Variants in SNAP91 observed in about 807,000 individuals in gnomAD.
The protein encoded by SNAP91 is synaptosome associated protein 91.
A neutral mutation model predicts 100.3 loss-of-function variants in SNAP91; 27 were observed. The observed-to-expected ratio is 0.27, with a 90% confidence interval of 0.20 to 0.37. SNAP91 has a LOEUF of 0.37. Among genes scored for constraint, SNAP91 ranks in the 10% least tolerant of loss-of-function variants. SNAP91 has a pLI of 1.00. For missense variants in SNAP91, 986 were observed against 1,123.7 expected (o/e 0.88, Z 1.75); for synonymous variants, 404 against 398.6 (o/e 1.01, Z -0.16).
chr6:83,651,047 C>T lies in SNAP91; in HGVS notation c.658+5707G>A, dbSNP rs150285607. On this transcript the variant is annotated intron_variant, in intron 7 of 29. Transcript: ENST00000369694. ...TTTGATTATCAAATTTGTGGGCATA[C>T]AGCTGTTCATAATATTCTCTTATCT... Among the ~76,000 whole-genome samples the T allele has an allele frequency of 2.0e-3, 309 of 152,266 alleles. 3 individuals are homozygous for T. The highest frequency in any genetic ancestry group is 0.016 in the South Asian group (78 of 4,818).
intron 2 of SNAP91, among the ~76,000 whole-genome samples, chr6:83,680,380 T>C (rs1393791285): frequency 6.6e-6 from 1 of 152,132 alleles, no homozygotes; most frequent in East Asian, 1.9e-4. Context: ...ATTCAAGCAG[T>C]AGAAAAAATT....
chr6:83,568,782 C>T (rs79691997), intron 26 of SNAP91, among the ~76,000 whole-genome samples: 4,202 of 152,144 alleles, frequency 0.028, 177 homozygotes, highest in African/African-American at 0.094. Context: ...AAAAGGATTC[C>T]CCTTCCCAAA....
intron 2 of SNAP91, among the ~76,000 whole-genome samples, chr6:83,682,939 C>A (rs2099012131): frequency 6.6e-6 from 1 of 152,020 alleles, no homozygotes; most frequent in Non-Finnish European, 1.5e-5. Context: ...CTTGGGACAT[C>A]ATTATAACCA....
chr6:83,581,552 A>G (rs550995376), intron 23 of SNAP91, among the ~76,000 whole-genome samples: 22 of 152,374 alleles, frequency 1.4e-4, no homozygotes, highest in Middle Eastern at 3.4e-3. Flanking sequence ...CATATCTACC[A>G]TAACAACTAC....
At chr6:83,625,248 C>T (rs1311265400) in intron 8 of SNAP91, among the ~76,000 whole-genome samples, 1 of 152,118 alleles carries the variant, frequency 6.6e-6, no homozygotes, top group Non-Finnish European at 1.5e-5. Flanking sequence ...GCATAGTATT[C>T]CATGGTGCAT....
chr6:83,638,233 G>A (rs1234730350), intron 8 of SNAP91, among the ~76,000 whole-genome samples: 1 of 152,036 alleles, frequency 6.6e-6, no homozygotes, highest in East Asian at 1.9e-4. Context: ...GAAGGCAACT[G>A]TGTTGCCTCT....
intron 2 of SNAP91, among the ~76,000 whole-genome samples, chr6:83,682,310 A>G (rs546538367): frequency 6.6e-6 from 1 of 151,122 alleles, no homozygotes; most frequent in South Asian, 2.1e-4. Flanking sequence ...CCAACTGAGT[A>G]GCTGGGACCA....
chr6:83,577,253 G>A (rs1820408628), intron 24 of SNAP91, among the ~76,000 whole-genome samples: 1 of 152,100 alleles, frequency 6.6e-6, no homozygotes, highest in South Asian at 2.1e-4. Flanking sequence ...AGAGGATGAA[G>A]TTAATATTTA....
chr6:83,693,193 C>T (rs954311855), intron 2 of SNAP91, among the ~76,000 whole-genome samples: 3 of 152,214 alleles, frequency 2.0e-5, no homozygotes, highest in Non-Finnish European at 4.4e-5. Context: ...GACTCCTCCC[C>T]TCATTAGGCG....
At chr6:83,600,559 C>A (rs1007031329) in intron 16 of SNAP91, among the ~76,000 whole-genome samples, 6 of 152,192 alleles carry the variant, frequency 3.9e-5, no homozygotes, top group African/African-American at 1.4e-4. Flanking sequence ...AATAAACTGG[C>A]TTCACATGGC....
intron 22 of SNAP91, among the ~76,000 whole-genome samples, chr6:83,584,630 A>G (rs1175906460): frequency 6.6e-6 from 1 of 152,210 alleles, no homozygotes; most frequent in Non-Finnish European, 1.5e-5. Flanking sequence ...GAACGACACG[A>G]ATGGCTGATA....
chr6:83,671,327 A>C (rs2098782569), intron 2 of SNAP91, among the ~76,000 whole-genome samples: 1 of 152,136 alleles, frequency 6.6e-6, no homozygotes, highest in Non-Finnish European at 1.5e-5. Flanking sequence ...AGAAATATAA[A>C]TGATTTCTGT....
chr6:83,696,049 T>C (rs1291369550), intron 2 of SNAP91, among the ~76,000 whole-genome samples: 5 of 152,072 alleles, frequency 3.3e-5, no homozygotes, highest in Non-Finnish European at 5.9e-5. Flanking sequence ...GAAACTTCCA[T>C]GGGTACAGTC....
Position 83,560,168 on chromosome 6 carries a change from G to A in SNAP91, c.2567C>T (p.Pro856Leu), listed in dbSNP as rs781354659. 1.4e-5 allele frequency: 22 copies of A among 1,613,782 alleles called. No homozygotes were observed. The highest frequency in any genetic ancestry group is 3.3e-4 in the Middle Eastern group (2 of 6,032). ...CATCATGGGCTGTGCAAACATGACC[G>A]GCTGCTGAGGCATCATGGGCATGCC... ...GTGMPMMPQQ[P>L]VMFAQPMMRP... is the part of the protein sequence containing the mutation. Residue 856 changes from proline (P) to leucine (L), a missense_variant, in exon 28 of 30, where the codon CCG (proline) becomes CTG (leucine). Coordinates refer to ENST00000369694, the MANE Select transcript of SNAP91 (RefSeq NM_001242792.2).
intron 12 of SNAP91, among the ~76,000 whole-genome samples, chr6:83,609,219 A>G (rs1436556585): frequency 3.3e-5 from 5 of 152,210 alleles, no homozygotes; most frequent in Non-Finnish European, 7.3e-5. Context: ...CTGTTATTAC[A>G]AAAAGAAAAA....
intron 14 of SNAP91, among the ~76,000 whole-genome samples, chr6:83,603,587 GA>G (rs2095423146): frequency 6.7e-6 from 1 of 148,672 alleles, no homozygotes; most frequent in Non-Finnish European, 1.5e-5. Context: ...GCTAAAATTT[GA>G]AAATAAAATA....
rs1457507426 is a variant in SNAP91, at chr6:83,665,557, G to A, written c.155C>T (p.Thr52Ile). Residue 52 changes from threonine (T) to isoleucine (I), a missense_variant, in exon 3 of 30, where the codon ACC becomes ATC. Around this residue, in one of 4 missense-constraint regions of SNAP91, gnomAD observed 330 missense variants for 447.5 expected, o/e 0.74. Transcript: ENST00000369694. Reference protein sequence around the residue: ...LDYLIQATNETNVNIPQMADT... With the variant: ...LDYLIQATNEINVNIPQMADT... ...GGCCATCTGAGGAATATTAACATTG[G>A]TCTCGTTGGTAGCCTGGATCAAATC... The A allele has an allele frequency of 1.3e-5, 21 of 1,612,024 alleles. No homozygotes were observed. The highest frequency in any genetic ancestry group is 1.6e-5 in the Non-Finnish European group (19 of 1,178,988).
intron 2 of SNAP91, among the ~76,000 whole-genome samples, chr6:83,668,040 C>G (rs1382225101): frequency 3.3e-5 from 5 of 152,262 alleles, no homozygotes; most frequent in Admixed American, 1.3e-4. Context: ...AGACACTTCT[C>G]AAAAGAAGAC....
chr6:83,554,996 T>C (rs999410884), intron 29 of SNAP91, among the ~76,000 whole-genome samples: 3 of 152,188 alleles, frequency 2.0e-5, no homozygotes, highest in Non-Finnish European at 2.9e-5. Flanking sequence ...TTTCCTGTAC[T>C]TATCAAAGTT....
Sources: allele counts gnomAD v4.1 joint callset (sites outside exome capture counted in the v4.1 genomes callset), GRCh38; gene constraint gnomAD v4.1.1; regional missense constraint gnomAD v4.1.1; transcripts MANE v1.5; gene names NCBI Gene and HGNC (gene_info 2026-07-23, HGNC 2026-07-21).